Variants in ZNF479 observed in about 807,000 individuals in gnomAD.
ZNF479 encodes the protein KRAB zinc finger protein KR19.
In ZNF479, 15 loss-of-function variants were observed where a neutral mutation model predicts 14.7. The observed-to-expected ratio is 1.02, with a 90% CI of 0.68 to 1.57. The LOEUF is 1.57. Ranked by LOEUF, ZNF479 falls within the 40% of genes most tolerant of loss-of-function variation. The pLI is 0.00. For synonymous variants in ZNF479, 145 were observed against 211.5 expected (o/e 0.69, Z 2.73); for missense variants, 506 against 615.1 (o/e 0.82, Z 1.88).
At chr7:57,132,736 G>A (rs926236553), upstream of ZNF479, among the ~76,000 whole-genome samples, 6 of 152,152 alleles carry the variant, frequency 3.9e-5, no homozygotes, top group Non-Finnish European at 7.3e-5. Flanking sequence ...TTCATAAATT[G>A]AAATAATGAC....
chr7:57,123,932 A>C (rs1786053412), intron 3 of ZNF479, among the ~76,000 whole-genome samples: 1 of 151,938 alleles, frequency 6.6e-6, no homozygotes. Context: ...CAAATCAAAA[A>C]TACATGGAAA....
upstream of ZNF479, among the ~76,000 whole-genome samples, chr7:57,137,287 C>A (rs1416791037): frequency 6.6e-6 from 1 of 151,974 alleles, no homozygotes; most frequent in African/African-American, 2.4e-5. Flanking sequence ...AGGCATCCAC[C>A]ACTACACCTG....
chr7:57,132,421 G>T lies in ZNF479; in HGVS notation c.-97C>A. On this transcript the variant is annotated 5_prime_UTR_variant, in exon 1 of 4. Coordinates refer to ENST00000319636, the MANE Select transcript of ZNF479 (RefSeq NM_001370129.2). ...GAAGAGGAGAACTGCAGCTCTGGAC[G>T]CAGAGAAACACAAAGGACCCGCAAA... The T allele has an allele frequency of 7.5e-6, 12 of 1,590,332 alleles. No homozygotes were observed. Among genetic ancestry groups the T allele is most frequent in the Non-Finnish European group, 1.0e-5 (12 of 1,160,638 alleles).
chr7:57,132,441 C>T (rs185881859), upstream of ZNF479: 101 of 1,498,030 alleles, frequency 6.7e-5, no homozygotes, highest in Admixed American at 4.1e-4. Flanking sequence ...ACAAAGGACC[C>T]GCAAAATTAC....
At position 57,131,597 on chromosome 7, in the gene ZNF479, A is replaced by AG. The variant is rs71527705; in HGVS notation, c.39+688_39+689insC. Reference sequence around the variant, plus strand: ...AAACAAACAAACAAACAAAAAAAAAACATTTCTTGTAAATTACTATCTTGA... The same window carrying AG: ...AAACAAACAAACAAACAAAAAAAAAAGCATTTCTTGTAAATTACTATCTTGA... On this transcript the variant is annotated intron_variant, in intron 1 of 3. Transcript: ENST00000319636. Among the ~76,000 whole-genome samples, 126 of 118,192 alleles carry AG rather than the reference A, an allele frequency of 1.1e-3. 12 individuals carry two copies. The highest frequency in any genetic ancestry group is 1.4e-3 in the East Asian group (4 of 2,780). 77.5% of individuals were successfully genotyped at this position (118,192 alleles called of 152,430 possible). A position where few individuals can be genotyped will look rare whatever the true frequency, so the allele number is the denominator to read the frequency against.
Position 57,126,715 on chromosome 7 carries a change from G to T in ZNF479, c.43C>A (p.Leu15Met), listed in dbSNP as rs376734303. The change falls in exon 2 of 4, where the codon CTG becomes ATG. Residue 15 changes from leucine (L) to methionine (M), a missense_variant. Physicochemically the swap from Leu to Met is conservative, Grantham distance 15. Coordinates refer to ENST00000319636, the MANE Select transcript of ZNF479 (RefSeq NM_001370129.2). ...ATAGCTATGTCTCTGAATGTCAACAGTCCCTGGAAAACAAACAAACAAAAC... is the reference window on the plus strand; with the variant it reads ...ATAGCTATGTCTCTGAATGTCAACATTCCCTGGAAAACAAACAAACAAAAC... Reference protein sequence around the residue: ...PGPPGSREMGLLTFRDIAIEF... With the variant: ...PGPPGSREMGMLTFRDIAIEF... 2.5e-6 allele frequency: 4 copies of T among 1,613,934 alleles called. No homozygotes were observed. The highest frequency in any genetic ancestry group is 3.4e-6 in the Non-Finnish European group (4 of 1,179,986).
At chr7:57,132,787 C>A (rs1355342101), upstream of ZNF479, among the ~76,000 whole-genome samples, 2 of 152,144 alleles carry the variant, frequency 1.3e-5, no homozygotes, top group African/African-American at 2.4e-5. Context: ...TTCCTTGCTG[C>A]GGATCCTTTG....
At chr7:57,138,578 T>C (rs1443297387) in intron 1 of ZNF479, among the ~76,000 whole-genome samples, 1 of 152,232 alleles carries the variant, frequency 6.6e-6, no homozygotes, top group Non-Finnish European at 1.5e-5. Context: ...ATGACTCTTA[T>C]ACCCGGACCC....
rs1477450423 is a variant in ZNF479, at chr7:57,126,128, A to T, written c.167-15T>A. On this transcript the variant is annotated splice_polypyrimidine_tract_variant and intron_variant, in intron 2 of 3. Coordinates refer to ENST00000319636, the MANE Select transcript of ZNF479 (RefSeq NM_001370129.2). ...GACAGCAATACCTGTTTTATTAAGA[A>T]AAAAAAGTAACATAGATCATGCTGA... The T allele has an allele frequency of 1.3e-6, 2 of 1,586,804 alleles. No homozygotes were observed. Among genetic ancestry groups the T allele is most frequent in the East Asian group, 2.2e-5 (1 of 44,820 alleles).
chr7:57,131,225 A>G (rs939164801), intron 1 of ZNF479, among the ~76,000 whole-genome samples: 1 of 152,036 alleles, frequency 6.6e-6, no homozygotes, highest in Admixed American at 6.6e-5. Context: ...TTTTACCTAT[A>G]CAACAAACCT....
At chr7:57,129,144 A>G (rs1786309574) in intron 1 of ZNF479, among the ~76,000 whole-genome samples, 2 of 152,196 alleles carry the variant, frequency 1.3e-5, no homozygotes, top group African/African-American at 4.8e-5. Context: ...TCAGAAACCA[A>G]CAATTTTCTT....
chr7:57,120,444 G>T lies in ZNF479; in HGVS notation c.971C>A (p.Pro324His). ...DHKRIHTGEK[P>H]CRCEECGKAF... is the part of the protein sequence containing the mutation. ...TTTGCCACATTCCTCACACCTGCAG[G>T]GTTTCTCTCCAGTATGAATTCTCTT... The change falls in exon 4 of 4, where the codon CCC becomes CAC. Residue 324 changes from proline to histidine, a missense_variant. By Grantham distance (77) the Pro-to-His change is moderately conservative (BLOSUM62 -2). Coordinates refer to ENST00000319636, the MANE Select transcript of ZNF479 (RefSeq NM_001370129.2). 6.2e-7 allele frequency: 1 copy of T among 1,611,960 alleles called. No homozygotes were observed. The highest frequency in any genetic ancestry group is 8.5e-7 in the Non-Finnish European group (1 of 1,179,458).
intron 1 of ZNF479, among the ~76,000 whole-genome samples, chr7:57,128,373 T>C (rs1211002047): frequency 2.0e-5 from 3 of 152,172 alleles, no homozygotes; most frequent in Admixed American, 6.5e-5. Flanking sequence ...TCCTAACAGT[T>C]TTTTCAGAAC....
chr7:57,135,328 C>A (rs1786596925), upstream of ZNF479, among the ~76,000 whole-genome samples: 1 of 152,140 alleles, frequency 6.6e-6, no homozygotes, highest in African/African-American at 2.4e-5. Context: ...GGGTTAGAGG[C>A]CCCTCTCAGT....
chr7:57,124,709 TA>T (rs1397541027), intron 3 of ZNF479, among the ~76,000 whole-genome samples: 1 of 152,218 alleles, frequency 6.6e-6, no homozygotes, highest in Non-Finnish European at 1.5e-5. Context: ...TCACATGTGA[TA>T]AGACTTAATA....
At chr7:57,123,478 G>A (rs186192539) in intron 3 of ZNF479, among the ~76,000 whole-genome samples, 24 of 152,270 alleles carry the variant, frequency 1.6e-4, no homozygotes, top group Non-Finnish European at 3.1e-4. Flanking sequence ...AAAAGCAAGT[G>A]GATACACAAT....
Position 57,120,876 on chromosome 7 carries a change from G to A in ZNF479, c.539C>T (p.Thr180Ile), listed in dbSNP as rs1785907296. ...SNSNRDKTRY[T>I]GNKHFKCNKY... is the part of the protein sequence containing the mutation. ...GTTACATTTGAAATGTTTATTTCCA[G>A]TATATCTTGTTTTATCTCTATTGGA... Residue 180 changes from threonine to isoleucine, a missense_variant, in exon 4 of 4, where the codon ACT becomes ATT. This residue lies in a region of ZNF479 where 420 missense variants were observed against 474.2 expected (regional missense o/e 0.89). Coordinates refer to ENST00000319636, the MANE Select transcript of ZNF479 (RefSeq NM_001370129.2). The A allele has an allele frequency of 6.2e-7, 1 of 1,613,768 alleles. No homozygotes were observed. The highest frequency in any genetic ancestry group is 1.7e-5 in the Admixed American group (1 of 59,914).
chr7:57,131,618 C>T (rs1397154549), intron 1 of ZNF479, among the ~76,000 whole-genome samples: 1 of 135,086 alleles, frequency 7.4e-6, no homozygotes, highest in Non-Finnish European at 1.7e-5. Flanking sequence ...AAATTACTAT[C>T]TTGAAGAAAA....
At chr7:57,123,783 A>C (rs2115865334) in intron 3 of ZNF479, among the ~76,000 whole-genome samples, 1 of 152,304 alleles carries the variant, frequency 6.6e-6, no homozygotes, top group South Asian at 2.1e-4. Flanking sequence ...CAGTGAGCCA[A>C]GATTGTGCTA....
Sources: allele counts gnomAD v4.1 joint callset (sites outside exome capture counted in the v4.1 genomes callset), GRCh38; gene constraint gnomAD v4.1.1; regional missense constraint gnomAD v4.1.1; transcripts MANE v1.5; gene names NCBI Gene and HGNC (gene_info 2026-07-23, HGNC 2026-07-21).